The following PCDH15 variants were observed in gnomAD, a reference collection of about 807,000 sequenced individuals.
The protein encoded by PCDH15 is protocadherin related 15.
PCDH15 carries 129 observed loss-of-function variants against 178.5 expected under a neutral mutation model. The ratio of observed to expected loss-of-function variants is 0.72; its 90% CI spans 0.63 to 0.84. The LOEUF is 0.84. Among genes scored for constraint, PCDH15 ranks in the 40% least tolerant of loss-of-function variants. The pLI is 0.00. For synonymous variants in PCDH15, 800 were observed against 732.0 expected, an observed-to-expected ratio of 1.09 and a Z score of -1.50; for missense variants, 2,230 against 2,099.9, an observed-to-expected ratio of 1.06 and a Z score of -1.21.
At chr10:55,478,016 A>C (rs571700975) in intron 2 of PCDH15, among the ~76,000 whole-genome samples, 7 of 152,026 alleles carry the variant, frequency 4.6e-5, no homozygotes, top group Non-Finnish European at 1.0e-4. Flanking sequence ...TGGAAACCAA[A>C]AAGTAGCAGG....
intron 1 of PCDH15, among the ~76,000 whole-genome samples, chr10:54,752,511 AACAAACAAAC>A (rs1368966953): frequency 1.2e-5 from 1 of 85,616 alleles, no homozygotes; most frequent in African/African-American, 5.0e-5. Context: ...AAAAACAAAA[AACAAACAAAC>A]AAACAAACAA....
chr10:54,804,946 T>TA (rs1564524308), upstream of PCDH15, among the ~76,000 whole-genome samples: 24 of 136,426 alleles, frequency 1.8e-4, no homozygotes, highest in African/African-American at 5.9e-4. Context: ...TATATATATA[T>TA]ATACAGAGTT....
At chr10:53,934,751 T>C (rs762450330) in intron 25 of PCDH15, among the ~76,000 whole-genome samples, 2 of 152,148 alleles carry the variant, frequency 1.3e-5, no homozygotes, top group Non-Finnish European at 2.9e-5. Context: ...AAAATTACTC[T>C]CTTGGCTATC....
intron 1 of PCDH15, among the ~76,000 whole-genome samples, chr10:54,760,311 A>G (rs1021311818): frequency 1.3e-5 from 2 of 152,114 alleles, no homozygotes; most frequent in African/African-American, 4.8e-5. Flanking sequence ...TCTATTCACC[A>G]TTAGCTCTTT....
chr10:53,898,203 G>A (rs1237264825), intron 26 of PCDH15, among the ~76,000 whole-genome samples: 1 of 151,690 alleles, frequency 6.6e-6, no homozygotes, highest in Non-Finnish European at 1.5e-5. Flanking sequence ...TCCTGACCTC[G>A]TGATCCGCCC....
chr10:54,889,812 T>A lies in PCDH15; in HGVS notation c.-29+7638A>T, dbSNP rs567741399. 2.6e-5 allele frequency among the ~76,000 whole-genome samples: 4 copies of A among 151,892 alleles called. No homozygotes were observed. The South Asian group carries it at 8.3e-4, about 31-fold the overall frequency. ...TTCTTTAAAGAGAATGTGATATAAA[T>A]AATCACTTTTTTATTGTGCGAATAA... On this transcript the variant is annotated intron_variant, in intron 3 of 5. Coordinates refer to the PCDH15 transcript ENST00000458638.
At chr10:55,161,991 A>G (rs1839080852) in intron 2 of PCDH15, among the ~76,000 whole-genome samples, 1 of 152,168 alleles carries the variant, frequency 6.6e-6, no homozygotes, top group Non-Finnish European at 1.5e-5. Context: ...CTCCCTTCAG[A>G]TAAAAAGTTA....
rs1392800224 is a variant in PCDH15, at chr10:55,598,534, A to G, written c.-156+29091T>C. On this transcript the variant is annotated intron_variant, in intron 2 of 5. Coordinates refer to the PCDH15 transcript ENST00000613346. Reference sequence around the variant, plus strand: ...CCCTAATATATATATATATATATATATATATATATATATATATATATATAT... The same window carrying G: ...CCCTAATATATATATATATATATATGTATATATATATATATATATATATAT... 2.7e-3 allele frequency among the ~76,000 whole-genome samples: 96 copies of G among 35,514 alleles called. 1 individual carries two copies. Among genetic ancestry groups the G allele is most frequent in the African/African-American group, 0.016 (86 of 5,264 alleles). The allele number at this position is 35,514 out of a possible 152,430, so 23.3% of individuals were successfully genotyped here.
Position 55,454,621 on chromosome 10 carries a change from C to CA in PCDH15, c.-156+173003dup, listed in dbSNP as rs35852490. Among the ~76,000 whole-genome samples the CA allele has an allele frequency of 4.0e-3, 555 of 137,524 alleles. 1 individual carries two copies. Among genetic ancestry groups the CA allele is most frequent in the Admixed American group, 0.01 (142 of 13,598 alleles). 90.2% of individuals were successfully genotyped at this position (137,524 alleles called of 152,430 possible). ...TGAAACCCCGTCTCTACTAAAAATG[C>CA]AAAAAAAAAAAAAATTAGCCGGATG... On this transcript the variant is annotated intron_variant, in intron 2 of 5. Transcript: ENST00000613346.
At chr10:55,101,333 G>A (rs961713686) in intron 2 of PCDH15, among the ~76,000 whole-genome samples, 4 of 151,802 alleles carry the variant, frequency 2.6e-5, no homozygotes, top group African/African-American at 9.7e-5. Flanking sequence ...AGTGATCAGT[G>A]AGCTGAGATT....
intron 3 of PCDH15, among the ~76,000 whole-genome samples, chr10:54,474,025 TA>T: frequency 6.6e-6 from 1 of 151,972 alleles, no homozygotes; most frequent in African/African-American, 2.4e-5. Flanking sequence ...AATTAAAATC[TA>T]AAGAGTGATT....
rs539110969 is a variant in PCDH15, at chr10:55,403,406, T to A, written c.-156+224219A>T. Among the ~76,000 whole-genome samples the A allele has an allele frequency of 7.4e-3, 1,131 of 151,948 alleles. 13 individuals are homozygous for A. Among genetic ancestry groups the A allele is most frequent in the African/African-American group, 0.024 (1,009 of 41,526 alleles). On this transcript the variant is annotated intron_variant, in intron 2 of 5. Coordinates refer to the PCDH15 transcript ENST00000613346. ...GTACCATTTGCCTTTTTTTTCTTTT[T>A]ATTACCTGTTTATTTGAAGTCTTGG... is the stretch of plus-strand genomic sequence containing the variant.
At chr10:55,119,507 A>C (rs1837712624) in intron 2 of PCDH15, among the ~76,000 whole-genome samples, 1 of 151,348 alleles carries the variant, frequency 6.6e-6, no homozygotes, top group African/African-American at 2.4e-5. Context: ...CAAAAAAAAA[A>C]GGTAAGCAAA....
In PCDH15 at chr10:55,597,972, G is replaced by T. The variant is rs955580877; in HGVS notation, c.-156+29653C>A. ...CCCGCCCCAGTGAGAATGCCCTCCA[G>T]ATCACCTGGTTCAAAAGAAGGAGGT... On this transcript the variant is annotated intron_variant, in intron 2 of 5. Coordinates refer to the PCDH15 transcript ENST00000613346. Among the ~76,000 whole-genome samples, 39 of 152,114 alleles carry T rather than the reference G, an allele frequency of 2.6e-4. 1 individual carries two copies. The South Asian group carries it at 3.7e-3, about 15-fold the overall frequency.
At chr10:55,377,033 T>C (rs1837409813) in intron 2 of PCDH15, among the ~76,000 whole-genome samples, 1 of 151,966 alleles carries the variant, frequency 6.6e-6, no homozygotes, top group Non-Finnish European at 1.5e-5. Flanking sequence ...AATTTGTGTT[T>C]AAATGTAATT....
chr10:55,467,374 T>C (rs907212673), intron 2 of PCDH15, among the ~76,000 whole-genome samples: 53,976 of 98,356 alleles, frequency 0.55, 11,161 homozygotes, highest in East Asian at 0.84. Flanking sequence ...TTGGCCTGAC[T>C]TTTTTTTTTT....
chr10:54,398,454 C>A (rs1194916361), intron 3 of PCDH15, among the ~76,000 whole-genome samples: 1 of 151,840 alleles, frequency 6.6e-6, no homozygotes, highest in African/African-American at 2.4e-5. Flanking sequence ...TTTTATATAA[C>A]AAAATTGTCC....
intron 2 of PCDH15, among the ~76,000 whole-genome samples, chr10:54,565,212 T>C (rs1273042256): frequency 6.6e-6 from 1 of 152,190 alleles, no homozygotes; most frequent in East Asian, 1.9e-4. Context: ...CACCTTTCCT[T>C]TGTCAATTAT....
At chr10:55,166,616 C>G (rs1213905145) in exon 2 of PCDH15, 1 of 152,160 alleles carries the variant, frequency 6.6e-6, no homozygotes, top group Non-Finnish European at 1.5e-5. Flanking sequence ...GGTCTGTCAA[C>G]TTCAACTGTT....
Sources: gnomAD v4.1 joint callset for allele counts (sites outside exome capture counted in the v4.1 genomes callset) on GRCh38, gnomAD v4.1.1 for gene constraint, MANE v1.5 for transcripts, NCBI Gene and HGNC (gene_info 2026-07-23, HGNC 2026-07-21) for gene names.